SND1: variants seen among roughly 807,000 people sequenced by gnomAD.
SND1 encodes staphylococcal nuclease domain-containing protein 1.
SND1 carries 38 observed loss-of-function variants against 121.7 expected under a neutral mutation model. The observed-to-expected ratio is 0.31, with a 90% CI of 0.24 to 0.41. The LOEUF (loss-of-function observed/expected upper bound fraction) is 0.41. SND1 is among the 10% of genes least tolerant of loss of function. The pLI is 1.00. For synonymous variants in SND1, 401 were observed against 447.4 expected (o/e 0.90, Z 1.31); for missense variants, 868 against 1,184.6 (o/e 0.73, Z 3.92).
intron 1 of SND1, among the ~76,000 whole-genome samples, chr7:127,663,818 T>TAA (rs1409294871): frequency 5.3e-5 from 8 of 152,186 alleles, no homozygotes; most frequent in African/African-American, 1.9e-4. Context: ...ACTAAGGAAA[T>TAA]TTTTGACTTC....
At chr7:128,023,485 A>T (rs928567231) in intron 16 of SND1, among the ~76,000 whole-genome samples, 48 of 152,216 alleles carry the variant, frequency 3.2e-4, no homozygotes, top group Admixed American at 2.0e-4. Flanking sequence ...CATGACTATC[A>T]GCACCTTTAC....
intron 10 of SND1, among the ~76,000 whole-genome samples, chr7:127,754,986 G>A (rs1276596768): frequency 2.0e-5 from 3 of 152,072 alleles, no homozygotes; most frequent in African/African-American, 7.3e-5. Context: ...AATTACTTTG[G>A]GTCTGTGGAT....
intron 10 of SND1, among the ~76,000 whole-genome samples, chr7:127,741,341 T>C (rs1796878282): frequency 6.6e-6 from 1 of 152,272 alleles, no homozygotes; most frequent in South Asian, 2.1e-4. Flanking sequence ...TGTGATTTTA[T>C]AAGATGGCTC....
chr7:127,980,713 G>A (rs1278557531), intron 15 of SND1, among the ~76,000 whole-genome samples: 1 of 152,192 alleles, frequency 6.6e-6, no homozygotes, highest in Non-Finnish European at 1.5e-5. Flanking sequence ...AAATAAAACA[G>A]CTTGGTCTAG....
At chr7:127,849,516 A>G (rs1799127169) in intron 12 of SND1, among the ~76,000 whole-genome samples, 1 of 152,194 alleles carries the variant, frequency 6.6e-6, no homozygotes, top group Non-Finnish European at 1.5e-5. Context: ...CATTCTCACC[A>G]CCACCTCACC....
At chr7:128,049,389 G>A (rs1011949319) in intron 16 of SND1, among the ~76,000 whole-genome samples, 10 of 151,968 alleles carry the variant, frequency 6.6e-5, no homozygotes, top group African/African-American at 2.2e-4. Context: ...CTCTTTCCCC[G>A]AAACTGCCCC....
intron 16 of SND1, among the ~76,000 whole-genome samples, chr7:127,994,358 G>T (rs1303921389): frequency 6.6e-6 from 1 of 151,776 alleles, no homozygotes; most frequent in Non-Finnish European, 1.5e-5. Context: ...ATTGGTTCCT[G>T]TTGGCTTTTG....
At chr7:127,746,452 A>G (rs1157943845) in intron 10 of SND1, among the ~76,000 whole-genome samples, 2 of 152,148 alleles carry the variant, frequency 1.3e-5, no homozygotes, top group Non-Finnish European at 2.9e-5. Flanking sequence ...TCCAGGGATT[A>G]TGATTTGAGG....
intron 2 of SND1, among the ~76,000 whole-genome samples, chr7:127,688,237 C>T (rs1235921210): frequency 6.6e-6 from 1 of 152,108 alleles, no homozygotes; most frequent in Non-Finnish European, 1.5e-5. Context: ...TTCCCTCACA[C>T]CCCTCAGCCT....
chr7:127,699,722 G>A (rs750129911), intron 4 of SND1, among the ~76,000 whole-genome samples: 6 of 152,168 alleles, frequency 3.9e-5, no homozygotes, highest in Non-Finnish European at 7.3e-5. Context: ...TAACATTTTA[G>A]TCTCTGAAAA....
intron 12 of SND1, among the ~76,000 whole-genome samples, chr7:127,853,211 T>C (rs1434050157): frequency 6.6e-6 from 1 of 152,086 alleles, no homozygotes; most frequent in Non-Finnish European, 1.5e-5. Flanking sequence ...ATTTTGCAAG[T>C]GGGGGCTCGG....
chr7:127,832,089 ATATT>A (rs1798751907), intron 11 of SND1, among the ~76,000 whole-genome samples: 1 of 152,198 alleles, frequency 6.6e-6, no homozygotes, highest in Non-Finnish European at 1.5e-5. Flanking sequence ...CAGCTACATC[ATATT>A]TATTCAGTAT....
intron 11 of SND1, among the ~76,000 whole-genome samples, chr7:127,823,737 C>G (rs555394871): frequency 1.4e-5 from 2 of 139,662 alleles, no homozygotes; most frequent in South Asian, 4.8e-4. Flanking sequence ...TCCAGCATTA[C>G]AAACTGTTCT....
chr7:128,059,484 G>C (rs1793196809), intron 16 of SND1, among the ~76,000 whole-genome samples: 2 of 152,200 alleles, frequency 1.3e-5, no homozygotes. Flanking sequence ...GTGAATGTTA[G>C]GTCTCTTTAC....
chr7:127,933,033 G>A (rs1046492044), intron 15 of SND1, among the ~76,000 whole-genome samples: 2 of 152,150 alleles, frequency 1.3e-5, no homozygotes, highest in African/African-American at 4.8e-5. Context: ...TTTTGGCAAT[G>A]TAGAGCTTTA....
chr7:128,034,571 C>G (rs1008783752), intron 16 of SND1, among the ~76,000 whole-genome samples: 4 of 152,198 alleles, frequency 2.6e-5, no homozygotes, highest in Middle Eastern at 3.2e-3. Context: ...CTCCAGGCTC[C>G]ACAAATGAAA....
chr7:127,918,202 G>A (rs966544917), intron 14 of SND1, among the ~76,000 whole-genome samples: 1 of 151,496 alleles, frequency 6.6e-6, no homozygotes, highest in Non-Finnish European at 1.5e-5. Flanking sequence ...GGGATTATAA[G>A]TGCCTGCCAC....
intron 9 of SND1, among the ~76,000 whole-genome samples, chr7:127,716,878 CT>C (rs2116376685): frequency 6.6e-6 from 1 of 152,294 alleles, no homozygotes; most frequent in South Asian, 2.1e-4. Context: ...TGCCATTTGA[CT>C]TTCAGTTGGA....
At chr7:128,080,479 G>A (rs1793579424) in intron 17 of SND1, among the ~76,000 whole-genome samples, 1 of 152,254 alleles carries the variant, frequency 6.6e-6, no homozygotes, top group Non-Finnish European at 1.5e-5. Flanking sequence ...AGGGAAAGTT[G>A]CTGAGCAGAA....
Sources: gnomAD v4.1 joint callset for allele counts (sites outside exome capture counted in the v4.1 genomes callset) on GRCh38, gnomAD v4.1.1 for gene constraint, MANE v1.5 for transcripts, NCBI Gene and HGNC (gene_info 2026-07-23, HGNC 2026-07-21) for gene names.